Variants in TYW1B observed in about 807,000 individuals in gnomAD.
The protein encoded by TYW1B is tRNA-yW synthesizing protein 1 homolog B, also known as S-adenosyl-L-methionine-dependent tRNA 4-demethylwyosine synthase TYW1B.
A neutral mutation model predicts 86.9 loss-of-function variants in TYW1B; 73 were observed. The ratio of observed to expected loss-of-function variants is 0.84; its 90% CI spans 0.70 to 1.02. The LOEUF is 1.02. Among genes scored for constraint, TYW1B ranks in the 50% least tolerant of loss-of-function variants. TYW1B has a pLI of 0.00. For synonymous variants in TYW1B, 248 were observed against 292.8 expected (o/e 0.85, Z 1.56); for missense variants, 637 against 827.4 (o/e 0.77, Z 2.82).
rs1440595322 is a variant in TYW1B, at chr7:72,694,701, C to A, written c.1492G>T (p.Ala498Ser). Reference protein sequence around the residue: ...FWQQFLDSLKALAVKQQRTVY... With the variant: ...FWQQFLDSLKSLAVKQQRTVY... The stretch of plus-strand genomic sequence containing the variant: ...ATAATTCTTACCTTGACTGCCAAGG[C>A]TTTTAAACTGTCAAGGAATTGCTGC... Residue 498 changes from alanine to serine, a missense_variant, in exon 11 of 14, where the codon GCC becomes TCC. Physicochemically the swap from Ala to Ser is moderately conservative, Grantham distance 99. Coordinates refer to ENST00000620995, the MANE Select transcript of TYW1B (RefSeq NM_001145440.3). The A allele has an allele frequency of 1.2e-4, 187 of 1,611,468 alleles. No homozygotes were observed. Among genetic ancestry groups the A allele is most frequent in the Non-Finnish European group, 1.5e-4 (176 of 1,179,448 alleles).
At chr7:72,752,677 G>C (rs1407864263) in intron 7 of TYW1B, among the ~76,000 whole-genome samples, 1 of 152,116 alleles carries the variant, frequency 6.6e-6, no homozygotes. Flanking sequence ...GTAGCAGTGA[G>C]CCAAGATTGC....
chr7:72,619,557 C>T (rs868934816), intron 12 of TYW1B, among the ~76,000 whole-genome samples: 21 of 149,450 alleles, frequency 1.4e-4, no homozygotes, highest in African/African-American at 2.7e-4. Context: ...AGGAGAATGG[C>T]GTGAACCCGG....
At chr7:72,621,646 G>A (rs1477987634) in intron 12 of TYW1B, among the ~76,000 whole-genome samples, 13 of 152,198 alleles carry the variant, frequency 8.5e-5, no homozygotes, top group South Asian at 6.2e-4. Flanking sequence ...ATAAAGAAGC[G>A]TCAAAACTCT....
intron 10 of TYW1B, among the ~76,000 whole-genome samples, chr7:72,710,083 T>C (rs1336398516): frequency 3.9e-5 from 6 of 152,196 alleles, no homozygotes; most frequent in African/African-American, 1.4e-4. Flanking sequence ...GTAAATATCT[T>C]ATATCATACT....
At chr7:72,714,261 C>G (rs1255930579) in intron 9 of TYW1B, among the ~76,000 whole-genome samples, 1 of 151,948 alleles carries the variant, frequency 6.6e-6, no homozygotes, top group Non-Finnish European at 1.5e-5. Context: ...TTATCTTTGG[C>G]TTCATACTGG....
chr7:72,634,247 C>G (rs71553249), intron 11 of TYW1B, among the ~76,000 whole-genome samples: 1 of 151,722 alleles, frequency 6.6e-6, no homozygotes, highest in Non-Finnish European at 1.5e-5. Context: ...GGCATAAGCA[C>G]GGCCCACTAC....
At chr7:72,667,046 A>AG (rs1813481608) in intron 11 of TYW1B, among the ~76,000 whole-genome samples, 1 of 149,458 alleles carries the variant, frequency 6.7e-6, no homozygotes, top group Admixed American at 6.7e-5. Flanking sequence ...AAAAAAAAAA[A>AG]AAAAAGAAAC....
At chr7:72,779,366 T>C (rs1172689207) in intron 6 of TYW1B, among the ~76,000 whole-genome samples, 4 of 152,304 alleles carry the variant, frequency 2.6e-5, no homozygotes, top group Non-Finnish European at 5.9e-5. Flanking sequence ...ATTCACTATA[T>C]CACTCTGTGT....
At chr7:72,645,128 T>C (rs2129569100) in intron 11 of TYW1B, among the ~76,000 whole-genome samples, 2 of 152,264 alleles carry the variant, frequency 1.3e-5, no homozygotes, top group Admixed American at 1.3e-4. Context: ...CGCCCAGCCA[T>C]GACTTTCTTA....
At chr7:72,646,483 TG>T (rs1360323722) in intron 11 of TYW1B, among the ~76,000 whole-genome samples, 1 of 152,128 alleles carries the variant, frequency 6.6e-6, no homozygotes, top group East Asian at 1.9e-4. Context: ...GTGATCCTCC[TG>T]CCTCAGCCCC....
intron 13 of TYW1B, among the ~76,000 whole-genome samples, chr7:72,576,322 T>A (rs1811020281): frequency 1.3e-5 from 2 of 152,164 alleles, no homozygotes; most frequent in African/African-American, 4.8e-5. Context: ...TTCTCAAAAG[T>A]CACGGTAGAA....
In TYW1B at chr7:72,574,602, T is replaced by C; in HGVS notation, c.*896A>G. The C allele has an allele frequency of 1.0e-6, 1 of 985,450 alleles. No individual in the cohort carries two copies. The highest frequency in any genetic ancestry group is 1.2e-6 in the Non-Finnish European group (1 of 829,924). The allele number at this position is 985,450 out of a possible 1,614,324, so 61.0% of individuals were successfully genotyped here. ...ACTTGAAAACAATTTTGAGTATTTA[T>C]GATCTTTCCAACTTGAAAACACCTG... On this transcript the variant is annotated 3_prime_UTR_variant, in exon 14 of 14. Transcript: ENST00000620995.
chr7:72,732,331 A>C (rs1225794495), intron 8 of TYW1B, among the ~76,000 whole-genome samples: 2 of 152,228 alleles, frequency 1.3e-5, no homozygotes, highest in Non-Finnish European at 2.9e-5. Context: ...AGAATACACA[A>C]TCTTCTTATC....
intron 13 of TYW1B, among the ~76,000 whole-genome samples, chr7:72,579,090 C>T (rs1306022474): frequency 6.6e-6 from 1 of 151,746 alleles, no homozygotes; most frequent in Non-Finnish European, 1.5e-5. Context: ...CAAAAATATA[C>T]TTTATATCTC....
intron 6 of TYW1B, among the ~76,000 whole-genome samples, chr7:72,789,939 CTTTTTTTTTTTTTTT>C (rs67405029): frequency 2.9e-5 from 2 of 69,168 alleles, no homozygotes; most frequent in Non-Finnish European, 5.4e-5. Flanking sequence ...ATAGGATTAT[CTTTTTTTTTTTTTTT>C]TTTTTTTTTT....
rs551392902 is a variant in TYW1B, at chr7:72,664,997, ATTG to A, written c.1506+29687_1506+29689del. ...GGTAGTCTTTACACTGTATTTTTTT[ATTG>A]TTGTATTGTTATTTTTTTCTGAATA... On this transcript the variant is annotated intron_variant, in intron 11 of 13. Coordinates refer to ENST00000620995, the MANE Select transcript of TYW1B (RefSeq NM_001145440.3). 5.2e-3 allele frequency among the ~76,000 whole-genome samples: 792 copies of A among 152,174 alleles called. 5 individuals carry two copies. Among genetic ancestry groups the A allele is most frequent in the Middle Eastern group, 0.02 (6 of 294 alleles).
rs780253999 is a variant in TYW1B at position 72,828,141 on chromosome 7, T to C, written c.-66A>G. The C allele has an allele frequency of 1.5e-5, 24 of 1,607,954 alleles. No individual in the cohort carries two copies. The highest frequency in any genetic ancestry group is 2.2e-5 in the East Asian group (1 of 44,722). On this transcript the variant is annotated 5_prime_UTR_variant, in exon 1 of 14. Coordinates refer to ENST00000620995, the MANE Select transcript of TYW1B (RefSeq NM_001145440.3). ...AGAGCCCAAAGGTTCGCACTGGTAC[T>C]GCGAGACGCACCGAGCTACCTCGCG...
intron 11 of TYW1B, among the ~76,000 whole-genome samples, chr7:72,668,754 T>C (rs1554445769): frequency 6.6e-6 from 1 of 152,194 alleles, no homozygotes; most frequent in African/African-American, 2.4e-5. Flanking sequence ...CCTATCAGTC[T>C]GTGACATTTT....
intron 11 of TYW1B, among the ~76,000 whole-genome samples, chr7:72,683,342 A>T (rs35736718): frequency 6.6e-6 from 1 of 152,148 alleles, no homozygotes; most frequent in African/African-American, 2.4e-5. Context: ...GGCCAAGGCA[A>T]GTGGATCATT....
Sources: gnomAD v4.1 joint callset for allele counts (sites outside exome capture counted in the v4.1 genomes callset) on GRCh38, gnomAD v4.1.1 for gene constraint, MANE v1.5 for transcripts, NCBI Gene and HGNC (gene_info 2026-07-23, HGNC 2026-07-21) for gene names.